PTPRD: variants seen among roughly 807,000 people sequenced by gnomAD.
The protein encoded by PTPRD is protein tyrosine phosphatase receptor type D.
Under a neutral mutation model 214.5 loss-of-function variants are expected in PTPRD, and 34 were observed. The observed-to-expected ratio is 0.16, with a 90% CI of 0.12 to 0.21. PTPRD has a LOEUF of 0.21. PTPRD is among the 10% of genes least tolerant of loss of function. PTPRD has a pLI of 1.00. For missense variants in PTPRD, 2,545 were observed against 2,398.7 expected, an observed-to-expected ratio of 1.06 and a Z score of -1.27; for synonymous variants, 1,128 against 845.7, an observed-to-expected ratio of 1.33 and a Z score of -5.79.
chr9:9,769,317 C>CTTTTTTTTT (rs34497562), intron 5 of PTPRD, among the ~76,000 whole-genome samples: 3 of 69,594 alleles, frequency 4.3e-5, no homozygotes, highest in Non-Finnish European at 7.6e-5. Context: ...ACCAGAAGCC[C>CTTTTTTTTT]TTTTTTTTTT....
chr9:8,695,584 G>T (rs914869101), intron 12 of PTPRD, among the ~76,000 whole-genome samples: 9 of 152,052 alleles, frequency 5.9e-5, no homozygotes, highest in Non-Finnish European at 7.4e-5. Context: ...TCATTGGTAG[G>T]TAAGTTGCAT....
chr9:8,628,307 T>C (rs1026152051), intron 14 of PTPRD, among the ~76,000 whole-genome samples: 6 of 151,852 alleles, frequency 4.0e-5, no homozygotes, highest in African/African-American at 1.4e-4. Flanking sequence ...TTGACTGCCT[T>C]CTCCCTGAAA....
At chr9:8,679,094 G>A (rs1487852132) in intron 12 of PTPRD, among the ~76,000 whole-genome samples, 3 of 152,152 alleles carry the variant, frequency 2.0e-5, no homozygotes, top group Non-Finnish European at 4.4e-5. Context: ...GAAGGTGGTA[G>A]TACAGGAATA....
intron 8 of PTPRD, among the ~76,000 whole-genome samples, chr9:9,427,941 C>A (rs2081606903): frequency 6.6e-6 from 1 of 152,184 alleles, no homozygotes; most frequent in Non-Finnish European, 1.5e-5. Context: ...ACAACCGTTA[C>A]CAGCCACTGC....
chr9:10,095,381 C>G (rs1454555019), intron 3 of PTPRD, among the ~76,000 whole-genome samples: 2 of 151,428 alleles, frequency 1.3e-5, no homozygotes, highest in Non-Finnish European at 3.0e-5. Flanking sequence ...TATTTTACTT[C>G]AGAATCTATG....
Position 9,181,030 on chromosome 9 carries a change from C to T in PTPRD, c.-143+2274G>A, listed in dbSNP as rs188262541. On this transcript the variant is annotated intron_variant, in intron 10 of 45. Transcript: ENST00000381196. The stretch of plus-strand genomic sequence containing the variant: ...TTCCGTCTTCGGTAGAGTAAAAATA[C>T]CAAAGAATTTGAAAGTCAGAAAGGT... Among the ~76,000 whole-genome samples the T allele has an allele frequency of 1.3e-5, 2 of 152,138 alleles. 1 individual carries two copies. The highest frequency in any genetic ancestry group is 3.9e-4 in the East Asian group (2 of 5,162).
chr9:10,065,919 A>G (rs1325793417), intron 3 of PTPRD, among the ~76,000 whole-genome samples: 1 of 151,980 alleles, frequency 6.6e-6, no homozygotes, highest in Non-Finnish European at 1.5e-5. Context: ...TGTTACTGGT[A>G]TCACAAAGCA....
chr9:9,380,417 G>A lies in PTPRD; in HGVS notation c.-203+17032C>T, dbSNP rs374851417. Reference sequence around the variant, plus strand: ...GTACACAGTAGGTATATATACTTATGGGGTACATGAGATGTTTTGATACAG... The same window carrying A: ...GTACACAGTAGGTATATATACTTATAGGGTACATGAGATGTTTTGATACAG... On this transcript the variant is annotated intron_variant, in intron 9 of 45. Transcript: ENST00000381196. Among the ~76,000 whole-genome samples the A allele has an allele frequency of 1.6e-3, 239 of 152,094 alleles. 1 individual carries two copies. The highest frequency in any genetic ancestry group is 5.3e-3 in the African/African-American group (222 of 41,518).
chr9:8,484,484 T>C, intron 29 of PTPRD, 106 bp from the exon 30 acceptor site: 4 of 1,170,616 alleles, frequency 3.4e-6, no homozygotes, highest in Non-Finnish European at 3.5e-6. Context: ...TATAGTCAAT[T>C]CTAATTTTAG....
intron 10 of PTPRD, among the ~76,000 whole-genome samples, chr9:9,139,809 C>A (rs1292611192): frequency 1.3e-5 from 2 of 152,094 alleles, no homozygotes; most frequent in African/African-American, 4.8e-5. Flanking sequence ...ACCACTGTAC[C>A]GGCAACAGTG....
At chr9:8,927,733 T>C (rs1398897936) in intron 11 of PTPRD, among the ~76,000 whole-genome samples, 2 of 152,174 alleles carry the variant, frequency 1.3e-5, no homozygotes, top group Non-Finnish European at 1.5e-5. Flanking sequence ...AGAAATGGGA[T>C]TGCTGGGTCA....
intron 6 of PTPRD, among the ~76,000 whole-genome samples, chr9:9,742,089 C>T (rs2098409603): frequency 2.0e-5 from 3 of 152,114 alleles, no homozygotes; most frequent in African/African-American, 2.4e-5. Context: ...TTTTAATATT[C>T]GCCATTCTAA....
chr9:8,653,724 G>C (rs540998971), intron 12 of PTPRD, among the ~76,000 whole-genome samples: 6 of 152,248 alleles, frequency 3.9e-5, no homozygotes, highest in Admixed American at 3.9e-4. Context: ...AGAGATCGAT[G>C]CTTTTGCCTC....
At chr9:8,635,414 A>C (rs1333556727) in intron 13 of PTPRD, among the ~76,000 whole-genome samples, 2 of 151,970 alleles carry the variant, frequency 1.3e-5, no homozygotes, top group Admixed American at 1.3e-4. Flanking sequence ...ACATTTTCCA[A>C]ATATTAAAGA....
chr9:9,103,426 A>G (rs980895436), intron 10 of PTPRD, among the ~76,000 whole-genome samples: 1 of 152,152 alleles, frequency 6.6e-6, no homozygotes, highest in Admixed American at 6.5e-5. Flanking sequence ...TTTCGTAAGT[A>G]ATTATGGAGT....
intron 10 of PTPRD, chr9:9,090,961 C>G (rs564478107): frequency 3.2e-5 from 50 of 1,572,068 alleles, no homozygotes; most frequent in Middle Eastern, 1.7e-4. Context: ...GCAGCCTATT[C>G]GCTGCACTAA....
At chr9:9,173,456 C>T (rs1377617573) in intron 10 of PTPRD, among the ~76,000 whole-genome samples, 3 of 152,186 alleles carry the variant, frequency 2.0e-5, no homozygotes, top group African/African-American at 7.2e-5. Context: ...TAGCTGATTA[C>T]ATCATTGTGC....
intron 14 of PTPRD, among the ~76,000 whole-genome samples, chr9:8,621,845 T>C (rs2095837012): frequency 6.6e-6 from 1 of 151,910 alleles, no homozygotes. Flanking sequence ...GATACAGGGC[T>C]CTAATCCAAG....
At chr9:10,494,858 G>T (rs1331971411) in intron 2 of PTPRD, among the ~76,000 whole-genome samples, 1 of 151,210 alleles carries the variant, frequency 6.6e-6, no homozygotes, top group Non-Finnish European at 1.5e-5. Context: ...CTAGTATTGG[G>T]CAAATTATAG....
Sources: gnomAD v4.1 joint callset for allele counts (sites outside exome capture counted in the v4.1 genomes callset) on GRCh38, gnomAD v4.1.1 for gene constraint, MANE v1.5 for transcripts, NCBI Gene and HGNC (gene_info 2026-07-23, HGNC 2026-07-21) for gene names.